Variants in UGP2 observed in about 807,000 individuals in gnomAD.
The protein encoded by UGP2 is UDP-glucose pyrophosphorylase 2.
A neutral mutation model predicts 49.0 loss-of-function variants in UGP2; 40 were observed. The observed-to-expected ratio is 0.82, with a 90% CI of 0.63 to 1.06. The LOEUF (loss-of-function observed/expected upper bound fraction) is 1.06, where lower values mean the gene tolerates loss of function less well. Ranked by LOEUF, UGP2 falls within the 50% of genes least tolerant of loss-of-function variation. The pLI is 0.00. For synonymous variants in UGP2, 225 were observed against 213.0 expected, an observed-to-expected ratio of 1.06 and a Z score of -0.49; for missense variants, 460 against 603.5, an observed-to-expected ratio of 0.76 and a Z score of 2.49.
chr2:63,862,434 CTTCCTTCACA>C (rs1269415272), intron 3 of UGP2, among the ~76,000 whole-genome samples: 3 of 152,092 alleles, frequency 2.0e-5, no homozygotes, highest in African/African-American at 7.2e-5. Flanking sequence ...TCGGGATTAC[CTTCCTTCACA>C]TTCCTTCGTG....
intron 3 of UGP2, among the ~76,000 whole-genome samples, chr2:63,862,305 A>G (rs1468583183): frequency 1.3e-5 from 2 of 152,170 alleles, no homozygotes; most frequent in African/African-American, 2.4e-5. Context: ...CTTTGACATA[A>G]AGTTTTAAAA....
At chr2:63,856,285 G>A (rs755288418) in intron 1 of UGP2, 21 bp from the exon 2 acceptor site, 27 of 1,607,174 alleles carry the variant, frequency 1.7e-5, no homozygotes, top group Admixed American at 3.4e-5. Context: ...TCAGTTGGTG[G>A]TTTTATGTTT....
chr2:63,881,902 A>G (rs1480592863), intron 3 of UGP2, among the ~76,000 whole-genome samples: 1 of 152,246 alleles, frequency 6.6e-6, no homozygotes, highest in Non-Finnish European at 1.5e-5. Context: ...GTCCTTGTGC[A>G]TACCTAGAAG....
rs185235802 is a variant in UGP2, at chr2:63,857,947, G to A, written c.255+11G>A. ...CCCCCTGAAGATTCGGTAAGTTTTA[G>A]ATAAAATGTAGGAAAATGTAGGGTA... On this transcript the variant is annotated intron_variant, in intron 3 of 9. Coordinates refer to ENST00000337130, the MANE Select transcript of UGP2 (RefSeq NM_006759.4). The A allele has an allele frequency of 1.1e-4, 184 of 1,611,966 alleles. No individual in the cohort carries two copies. The highest frequency in any genetic ancestry group is 1.5e-4 in the Non-Finnish European group (175 of 1,178,794).
At chr2:63,862,498 C>T (rs1232950401) in intron 3 of UGP2, among the ~76,000 whole-genome samples, 2 of 152,106 alleles carry the variant, frequency 1.3e-5, no homozygotes, top group Non-Finnish European at 2.9e-5. Context: ...GAACTGACAA[C>T]AAGCCCATGA....
intron 7 of UGP2, among the ~76,000 whole-genome samples, chr2:63,887,043 C>T (rs892252565): frequency 6.6e-5 from 10 of 151,968 alleles, no homozygotes; most frequent in South Asian, 2.1e-4. Flanking sequence ...AGGCCGAGGC[C>T]GGCAGATCAC....
rs150860426 is a variant in UGP2, at chr2:63,882,495, G to A, written c.285G>A (p.Arg95=). 82 of 1,605,268 alleles carry A rather than the reference G, an allele frequency of 5.1e-5. No individual in the cohort carries two copies. Among genetic ancestry groups the A allele is most frequent in the Non-Finnish European group, 6.8e-5 (80 of 1,174,110 alleles). Residue 95 remains arginine, a synonymous_variant, in exon 4 of 10, where the codon AGG becomes AGA. Coordinates refer to ENST00000337130, the MANE Select transcript of UGP2 (RefSeq NM_006759.4). ...SIQPYEKIKA[R]GLPDNISSVL... ...AACCCTATGAAAAGATAAAGGCCAG[G>A]GGCTTGCCTGATAATATATCTTCCG...
intron 1 of UGP2, among the ~76,000 whole-genome samples, chr2:63,849,968 T>C (rs1668938493): frequency 6.6e-6 from 1 of 152,258 alleles, no homozygotes; most frequent in African/African-American, 2.4e-5. Context: ...TTTTATGTTA[T>C]ACCTCTTTCT....
intron 3 of UGP2, among the ~76,000 whole-genome samples, chr2:63,881,124 G>T (rs761946781): frequency 6.6e-6 from 1 of 152,150 alleles, no homozygotes; most frequent in Admixed American, 6.5e-5. Flanking sequence ...GTATTAATTT[G>T]CACTTGGCAG....
At chr2:63,876,626 A>T (rs942895095) in intron 3 of UGP2, among the ~76,000 whole-genome samples, 1 of 152,252 alleles carries the variant, frequency 6.6e-6, no homozygotes, top group Non-Finnish European at 1.5e-5. Flanking sequence ...AAAGCACTAC[A>T]TAAAGAACCA....
chr2:63,883,678 C>T (rs1671468818), intron 4 of UGP2, among the ~76,000 whole-genome samples: 1 of 152,186 alleles, frequency 6.6e-6, no homozygotes, highest in Non-Finnish European at 1.5e-5. Context: ...CTGCCTCTGC[C>T]ATTGCCAGAC....
chr2:63,883,956 C>T lies in UGP2; in HGVS notation c.442-4C>T, dbSNP rs559524593. The T allele has an allele frequency of 6.3e-7, 1 of 1,597,610 alleles. No individual in the cohort carries two copies. The highest frequency in any genetic ancestry group is 2.2e-5 in the East Asian group (1 of 44,502). ...GGTAATCTAATTGTCATTTTCCTCCCTAGCATTTGAATAAAACCTACAATA... is the reference window on the plus strand; with the variant it reads ...GGTAATCTAATTGTCATTTTCCTCCTTAGCATTTGAATAAAACCTACAATA... On this transcript the variant is annotated splice_region_variant and splice_polypyrimidine_tract_variant and intron_variant, in intron 4 of 9. Transcript: ENST00000337130.
chr2:63,862,684 C>T (rs1331046861), intron 3 of UGP2, among the ~76,000 whole-genome samples: 1 of 152,074 alleles, frequency 6.6e-6, no homozygotes, highest in African/African-American at 2.4e-5. Context: ...TCCAGTCCCA[C>T]AGAATTGAAT....
chr2:63,891,002 T>C (rs911162146), intron 9 of UGP2, 118 bp from the exon 10 acceptor site: 23 of 655,548 alleles, frequency 3.5e-5, no homozygotes, highest in African/African-American at 5.7e-5. Context: ...TAATATTGTT[T>C]ATAAAAAAAG....
chr2:63,868,623 A>C (rs1670333771), intron 3 of UGP2, among the ~76,000 whole-genome samples: 1 of 152,208 alleles, frequency 6.6e-6, no homozygotes, highest in South Asian at 2.1e-4. Context: ...TTCAGAGGAT[A>C]TGCACTTTTT....
chr2:63,888,871 T>C (rs1378051473), intron 8 of UGP2: 1 of 152,264 alleles, frequency 6.6e-6, no homozygotes, highest in Non-Finnish European at 1.5e-5. Flanking sequence ...CAACCTAGCC[T>C]GATAAGTGAA....
intron 2 of UGP2, 21 bp from the exon 3 acceptor site, chr2:63,857,808 C>A: frequency 1.2e-6 from 2 of 1,600,482 alleles, no homozygotes; most frequent in South Asian, 2.2e-5. Flanking sequence ...CTGGTTGTAA[C>A]AATGACTTCT....
At chr2:63,858,286 C>T (rs775141859) in intron 3 of UGP2, among the ~76,000 whole-genome samples, 2 of 152,128 alleles carry the variant, frequency 1.3e-5, no homozygotes, top group Admixed American at 6.5e-5. Flanking sequence ...TCTCATTGCC[C>T]GTAGGGTCAT....
rs1340793789 is a variant in UGP2, at chr2:63,891,293, T to G, written c.*66T>G. The G allele has an allele frequency of 2.2e-6, 3 of 1,382,444 alleles. No homozygotes were observed. The Admixed American group carries it at 5.4e-5, about 25-fold the overall frequency. The allele number at this position is 1,382,444 out of a possible 1,614,324, so 85.6% of individuals were successfully genotyped here. On this transcript the variant is annotated 3_prime_UTR_variant, in exon 10 of 10. Transcript: ENST00000337130. ...CTTACAATGAAATGTTCTCTAGGATTCTAAAATAGGCAGGTACTTTACTAT... is the reference window on the plus strand; with the variant it reads ...CTTACAATGAAATGTTCTCTAGGATGCTAAAATAGGCAGGTACTTTACTAT...
Sources: gnomAD v4.1 joint callset for allele counts (sites outside exome capture counted in the v4.1 genomes callset) on GRCh38, gnomAD v4.1.1 for gene constraint, MANE v1.5 for transcripts, NCBI Gene and HGNC (gene_info 2026-07-23, HGNC 2026-07-21) for gene names.